SAR1B: variants seen among roughly 807,000 people sequenced by gnomAD.
SAR1B encodes the protein small COPII coat GTPase SAR1B.
A neutral mutation model predicts 26.8 loss-of-function variants in SAR1B; 23 were observed. That is an observed-to-expected ratio of 0.86 (90% CI 0.62 to 1.22). The LOEUF is 1.22. Among genes scored for constraint, SAR1B ranks in the 50% most tolerant of loss-of-function variants. SAR1B has a pLI of 0.00. For missense variants in SAR1B, 196 were observed against 232.8 expected (o/e 0.84, Z 1.03); for synonymous variants, 65 against 80.8 (o/e 0.80, Z 1.05).
intron 3 of SAR1B, among the ~76,000 whole-genome samples, chr5:134,615,528 A>G (rs1353496304): frequency 6.7e-6 from 1 of 149,202 alleles, no homozygotes; most frequent in Non-Finnish European, 1.5e-5. Context: ...ATAAGAAGAA[A>G]TTCTGGGCCG....
intron 2 of SAR1B, among the ~76,000 whole-genome samples, chr5:134,623,149 A>C (rs1265355172): frequency 6.7e-6 from 1 of 148,938 alleles, no homozygotes. Context: ...AAAAGAAAAA[A>C]CTGTAGCAAG....
intron 3 of SAR1B, chr5:134,614,386 T>A (rs1765273761): frequency 6.6e-6 from 1 of 152,244 alleles, no homozygotes; most frequent in Admixed American, 6.5e-5. Flanking sequence ...TTTGCATGTC[T>A]AGTAATTTCA....
At chr5:134,612,024 A>T (rs1765223336) in intron 4 of SAR1B, among the ~76,000 whole-genome samples, 1 of 152,212 alleles carries the variant, frequency 6.6e-6, no homozygotes, top group Non-Finnish European at 1.5e-5. Context: ...TTAAAAGCCC[A>T]GAAAAGTAAA....
At chr5:134,610,755 A>C (rs577970316) in intron 4 of SAR1B, among the ~76,000 whole-genome samples, 5 of 152,114 alleles carry the variant, frequency 3.3e-5, no homozygotes, top group East Asian at 1.9e-4. Flanking sequence ...TTAAAAAAAA[A>C]CCAAAACAAA....
chr5:134,630,787 A>G (rs1159886882), intron 1 of SAR1B, among the ~76,000 whole-genome samples: 1 of 151,238 alleles, frequency 6.6e-6, no homozygotes, highest in Non-Finnish European at 1.5e-5. Context: ...TCAAAAAAAA[A>G]AAAAAAGAAA....
Position 134,612,746 on chromosome 5 carries a change from T to C in SAR1B, c.189A>G (p.Glu63=), listed in dbSNP as rs1298322337. 1.9e-6 allele frequency: 3 copies of C among 1,592,710 alleles called. No homozygotes were observed. In the East Asian group the frequency reaches 7.0e-5, roughly 37 times the overall value. The change falls in exon 4 of 7, where the codon GAA becomes GAG. Residue 63 remains glutamate (E), a synonymous_variant. Coordinates refer to ENST00000402673, the MANE Select transcript of SAR1B (RefSeq NM_016103.4). ...HVPTLHPTSE[E]LTIAGMTFTT... ...TAAACGTCATGCCAGCAATGGTCAG[T>C]TCTTCGGAAGCTAAATAAGATTTTA...
At chr5:134,631,991 A>G (rs147603614) in intron 1 of SAR1B, 5,820 of 152,368 alleles carry the variant, frequency 0.038, 141 homozygotes, top group Non-Finnish European at 0.056. Context: ...CGAGGTCAGG[A>G]GATAAGAGAC....
intron 4 of SAR1B, among the ~76,000 whole-genome samples, chr5:134,611,166 T>C (rs2150050679): frequency 6.6e-6 from 1 of 152,276 alleles, no homozygotes; most frequent in South Asian, 2.1e-4. Flanking sequence ...ACCCAGCCAT[T>C]ATGACATATC....
chr5:134,608,570 T>C, intron 5 of SAR1B, 67 bp from the exon 6 acceptor site: 1 of 1,521,172 alleles, frequency 6.6e-7, no homozygotes, highest in Non-Finnish European at 9.0e-7. Context: ...TATTTTGATA[T>C]GATAAAACAA....
At chr5:134,608,748 G>T (rs1038378246) in intron 5 of SAR1B, among the ~76,000 whole-genome samples, 2 of 152,126 alleles carry the variant, frequency 1.3e-5, no homozygotes, top group African/African-American at 4.8e-5. Flanking sequence ...GACATAGAAC[G>T]TATAGAGCCA....
intron 3 of SAR1B, among the ~76,000 whole-genome samples, chr5:134,617,700 G>C (rs1205320976): frequency 2.0e-5 from 3 of 150,594 alleles, no homozygotes; most frequent in Non-Finnish European, 4.4e-5. Flanking sequence ...TGTTTTTTTC[G>C]AGACAGAGTC....
At chr5:134,621,246 G>A (rs1210968156) in intron 2 of SAR1B, among the ~76,000 whole-genome samples, 194 bp from the exon 3 acceptor site, 1 of 152,164 alleles carries the variant, frequency 6.6e-6, no homozygotes, top group Non-Finnish European at 1.5e-5. Context: ...GAGGTGGGCG[G>A]ATCACCTGAG....
intron 1 of SAR1B, among the ~76,000 whole-genome samples, chr5:134,624,266 G>A (rs188853665): frequency 3.9e-5 from 6 of 152,190 alleles, no homozygotes; most frequent in East Asian, 3.9e-4. Flanking sequence ...GAAATTAACC[G>A]GGTGTGGTCA....
chr5:134,621,054 T>C lies in SAR1B; in HGVS notation c.59-2A>G. 1.2e-6 allele frequency: 2 copies of C among 1,613,190 alleles called. No homozygotes were observed. The highest frequency in any genetic ancestry group is 1.7e-6 in the Non-Finnish European group (2 of 1,179,318). ...GTTTACCAGTTTTCTTATATAATCCTGCAAAGCAAGAGCTATGATTGGTCA... is the reference window on the plus strand; with the variant it reads ...GTTTACCAGTTTTCTTATATAATCCCGCAAAGCAAGAGCTATGATTGGTCA... On this transcript the variant is annotated splice_acceptor_variant, in intron 2 of 6. Transcript: ENST00000402673. LOFTEE classifies it high-confidence loss of function.
At position 134,606,962 on chromosome 5, in the gene SAR1B, C is replaced by G; in HGVS notation, c.585G>C (p.Gln195His). ...ATGTGAGTTTGTGTTAATCAATGTA[C>G]TGTGCCATCCAGCGGAAGCCTTCTC... ...GYGEGFRWMAQYID is the reference protein window; with the variant it reads ...GYGEGFRWMAHYID Residue 195 changes from glutamine (Q) to histidine (H), a missense_variant, in exon 7 of 7, where the codon CAG (glutamine) becomes CAC (histidine). Gln to His is a conservative substitution (Grantham distance 24). Coordinates refer to ENST00000402673, the MANE Select transcript of SAR1B (RefSeq NM_016103.4). 6.2e-7 allele frequency: 1 copy of G among 1,610,528 alleles called. No homozygotes were observed.
chr5:134,605,659 C>CAAAAAAAAAAAAAAAAAAAAAAA lies in SAR1B; in HGVS notation c.*1290_*1291insTTTTTTTTTTTTTTTTTTTTTTT, dbSNP rs1026047463. On this transcript the variant is annotated 3_prime_UTR_variant, in exon 7 of 7. Coordinates refer to ENST00000402673, the MANE Select transcript of SAR1B (RefSeq NM_016103.4). Reference sequence around the variant, plus strand: ...GTCTCTAAAACAAAATGAAACAGAGCAAAAAAAAAAAAAAAAAAAAAGCCC... The same window carrying CAAAAAAAAAAAAAAAAAAAAAAA: ...GTCTCTAAAACAAAATGAAACAGAGCAAAAAAAAAAAAAAAAAAAAAAAAAAAAAAAAAAAAAAAAAAAAGCCC... 6 of 35,014 alleles carry CAAAAAAAAAAAAAAAAAAAAAAA rather than the reference C, an allele frequency of 1.7e-4. No individual in the cohort carries two copies. The highest frequency in any genetic ancestry group is 3.0e-4 in the Non-Finnish European group (5 of 16,898). The allele number at this position is 35,014 out of a possible 1,614,324, so 2.2% of individuals were successfully genotyped here.
intron 3 of SAR1B, chr5:134,613,578 T>A (rs1765256847): frequency 6.6e-6 from 1 of 152,176 alleles, no homozygotes; most frequent in African/African-American, 2.4e-5. Flanking sequence ...AATCCAACAT[T>A]TATTTTTCCT....
chr5:134,623,433 C>G (rs937816655), intron 2 of SAR1B, among the ~76,000 whole-genome samples: 1 of 149,294 alleles, frequency 6.7e-6, no homozygotes, highest in African/African-American at 2.5e-5. Context: ...GAGCGAGACT[C>G]CATCTCAGAA....
chr5:134,620,142 C>T (rs1369409494), intron 3 of SAR1B, among the ~76,000 whole-genome samples: 1 of 151,652 alleles, frequency 6.6e-6, no homozygotes, highest in African/African-American at 2.4e-5. Flanking sequence ...CCGTCTCTAC[C>T]GAAAATACAA....
Sources: gnomAD v4.1 joint callset for allele counts (sites outside exome capture counted in the v4.1 genomes callset) on GRCh38, gnomAD v4.1.1 for gene constraint, MANE v1.5 for transcripts, NCBI Gene and HGNC (gene_info 2026-07-23, HGNC 2026-07-21) for gene names.